RAB3B: variants seen among roughly 807,000 people sequenced by gnomAD.
RAB3B encodes RAB3B, member RAS oncogene family.
Under a neutral mutation model 20.5 loss-of-function variants are expected in RAB3B, and 11 were observed. The ratio of observed to expected loss-of-function variants is 0.54; its 90% confidence interval spans 0.34 to 0.89. The LOEUF (loss-of-function observed/expected upper bound fraction) is 0.89. Among genes scored for constraint, RAB3B ranks in the 40% least tolerant of loss-of-function variants. The pLI, the probability that RAB3B is intolerant of heterozygous loss-of-function variation, is 0.02. For synonymous variants in RAB3B, 99 were observed against 106.3 expected (o/e 0.93, Z 0.42); for missense variants, 225 against 280.9 (o/e 0.80, Z 1.42).
intron 3 of RAB3B, among the ~76,000 whole-genome samples, chr1:51,936,206 C>A (rs1302660579): frequency 6.6e-6 from 1 of 152,198 alleles, no homozygotes; most frequent in Non-Finnish European, 1.5e-5. Flanking sequence ...TTCCCCCATC[C>A]TCATCTGAGC....
Position 51,909,449 on chromosome 1 carries a change from G to A in RAB3B, c.*10478C>T, listed in dbSNP as rs888592261. The A allele has an allele frequency of 7.2e-5, 11 of 152,158 alleles. No homozygotes were observed. The highest frequency in any genetic ancestry group is 2.4e-4 in the African/African-American group (10 of 41,444). 9.4% of individuals were successfully genotyped at this position (152,158 alleles called of 1,614,324 possible). On this transcript the variant is annotated 3_prime_UTR_variant, in exon 5 of 5. Transcript: ENST00000371655. ...TGGTTCAAGATCACACAGTTAGTATGCTGCAAAGTCAGGACTCAAACCCAG... is the reference window on the plus strand; with the variant it reads ...TGGTTCAAGATCACACAGTTAGTATACTGCAAAGTCAGGACTCAAACCCAG...
chr1:51,956,536 C>T (rs1212060680), intron 2 of RAB3B, among the ~76,000 whole-genome samples: 1 of 152,154 alleles, frequency 6.6e-6, no homozygotes, highest in Non-Finnish European at 1.5e-5. Context: ...CTCTTGCCAC[C>T]CCTCTCCATT....
intron 3 of RAB3B, among the ~76,000 whole-genome samples, chr1:51,934,494 G>A (rs991774326): frequency 2.6e-5 from 4 of 152,032 alleles, no homozygotes; most frequent in South Asian, 2.1e-4. Context: ...CTTTTTGGCC[G>A]GGTGCGCTGG....
Position 51,967,515 on chromosome 1 carries a change from C to CTTTTTCTTTTTTTTTT in RAB3B, c.228+9359_228+9374dup, listed in dbSNP as rs1684870055. Among the ~76,000 whole-genome samples the CTTTTTCTTTTTTTTTT allele has an allele frequency of 1.2e-4, 2 of 16,436 alleles. 1 individual carries two copies. The highest frequency in any genetic ancestry group is 5.3e-4 in the Non-Finnish European group (2 of 3,782). 10.8% of individuals were successfully genotyped at this position (16,436 alleles called of 152,430 possible). On this transcript the variant is annotated intron_variant, in intron 2 of 4. Coordinates refer to ENST00000371655, the MANE Select transcript of RAB3B (RefSeq NM_002867.4). ...GGTATTTTCCTTTTTCTTTTCTTTTCTTTTTCTTTTTTTTTTTTTTTTTTG... is the reference window on the plus strand; with the variant it reads ...GGTATTTTCCTTTTTCTTTTCTTTTCTTTTTCTTTTTTTTTTTTTTTCTTTTTTTTTTTTTTTTTTG...
chr1:51,981,255 C>G (rs866873428), intron 1 of RAB3B, among the ~76,000 whole-genome samples: 3 of 152,112 alleles, frequency 2.0e-5, no homozygotes, highest in Admixed American at 6.6e-5. Context: ...GGTCTTAAAC[C>G]GGGATCAAGT....
intron 1 of RAB3B, among the ~76,000 whole-genome samples, chr1:51,977,612 C>A (rs946739159): frequency 3.3e-5 from 5 of 152,008 alleles, no homozygotes; most frequent in African/African-American, 4.8e-5. Context: ...AAAAAAAAAG[C>A]CAAGAACAGC....
At chr1:51,961,857 G>A (rs368283773) in intron 2 of RAB3B, among the ~76,000 whole-genome samples, 2 of 151,938 alleles carry the variant, frequency 1.3e-5, no homozygotes, top group African/African-American at 2.4e-5. Flanking sequence ...TGCAACCTCC[G>A]CCTCCTGAAC....
chr1:51,984,329 AC>A (rs1412872765), intron 1 of RAB3B, among the ~76,000 whole-genome samples: 1 of 148,054 alleles, frequency 6.8e-6, no homozygotes, highest in Admixed American at 6.8e-5. Context: ...CTCTAAAAAA[AC>A]ATCATTTCAG....
rs376211284 is a variant in RAB3B, at chr1:51,972,344, ATC to A, written c.228+4544_228+4545del. 1.7e-3 allele frequency among the ~76,000 whole-genome samples: 253 copies of A among 152,106 alleles called. 3 individuals carry two copies. In the South Asian group the frequency reaches 0.026, roughly 16 times the overall value. On this transcript the variant is annotated intron_variant, in intron 2 of 4. Coordinates refer to ENST00000371655, the MANE Select transcript of RAB3B (RefSeq NM_002867.4). ...CAAATTCTGTAAATTCTAGTTCCAA[ATC>A]TCTCTCTTCATTTCCATCCCTTATG...
At chr1:51,956,035 T>C (rs1684702383) in intron 2 of RAB3B, among the ~76,000 whole-genome samples, 2 of 152,166 alleles carry the variant, frequency 1.3e-5, no homozygotes, top group Admixed American at 1.3e-4. Context: ...GAAGAGCCTG[T>C]CAGAGGCAGC....
At chr1:51,944,011 T>C (rs901733366) in intron 2 of RAB3B, among the ~76,000 whole-genome samples, 1 of 152,222 alleles carries the variant, frequency 6.6e-6, no homozygotes, top group Admixed American at 6.5e-5. Flanking sequence ...ACTGGAAGAA[T>C]ATGCCATCTA....
At position 51,917,484 on chromosome 1, in the gene RAB3B, C is replaced by T. The variant is rs921014628; in HGVS notation, c.*2443G>A. The T allele has an allele frequency of 5.9e-5, 9 of 152,040 alleles. No individual in the cohort carries two copies. Among genetic ancestry groups the T allele is most frequent in the African/African-American group, 2.2e-4 (9 of 41,384 alleles). The allele number at this position is 152,040 out of a possible 1,614,324, so 9.4% of individuals were successfully genotyped here. On this transcript the variant is annotated 3_prime_UTR_variant, in exon 5 of 5. Coordinates refer to ENST00000371655, the MANE Select transcript of RAB3B (RefSeq NM_002867.4). ...GGGTCTCCTGATTCCAAGTCCAAAG[C>T]TCTGCTCTCTGCATTGCATCAAAGA... is the stretch of plus-strand genomic sequence containing the variant.
intron 2 of RAB3B, among the ~76,000 whole-genome samples, chr1:51,945,237 T>G (rs1054862578): frequency 6.6e-5 from 10 of 152,174 alleles, no homozygotes; most frequent in African/African-American, 2.4e-4. Context: ...AGTGGCGAGA[T>G]CATAGCTTAC....
chr1:51,937,454 CT>C, intron 2 of RAB3B, 42 bp from the exon 3 acceptor site: 1 of 1,413,794 alleles, frequency 7.1e-7, no homozygotes, highest in Non-Finnish European at 9.6e-7. Flanking sequence ...AGAAAGTCTG[CT>C]TTGGTTCCTA....
At position 51,917,062 on chromosome 1, in the gene RAB3B, C is replaced by T. The variant is rs994961370; in HGVS notation, c.*2865G>A. The T allele has an allele frequency of 6.6e-6, 1 of 152,186 alleles. No homozygotes were observed. The highest frequency in any genetic ancestry group is 1.9e-4 in the East Asian group (1 of 5,202). The allele number at this position is 152,186 out of a possible 1,614,324, so 9.4% of individuals were successfully genotyped here. On this transcript the variant is annotated 3_prime_UTR_variant, in exon 5 of 5. Coordinates refer to ENST00000371655, the MANE Select transcript of RAB3B (RefSeq NM_002867.4). ...CTGGATGTGAACTCCAGCTCTACCA[C>T]TTACTTATTATGTGACTTTAGAGGT... is the stretch of plus-strand genomic sequence containing the variant.
chr1:51,971,029 AAAAAG>A (rs1684924605), intron 2 of RAB3B, among the ~76,000 whole-genome samples: 1 of 151,186 alleles, frequency 6.6e-6, no homozygotes, highest in African/African-American at 2.4e-5. Flanking sequence ...AAAAAAAAAA[AAAAAG>A]AAAGAAAGCA....
chr1:51,940,085 T>C (rs1386493920), intron 2 of RAB3B, among the ~76,000 whole-genome samples: 1 of 152,236 alleles, frequency 6.6e-6, no homozygotes, highest in Non-Finnish European at 1.5e-5. Context: ...ATATATGTTG[T>C]TACTCTCATC....
At chr1:51,979,173 G>C (rs1685050224) in intron 1 of RAB3B, among the ~76,000 whole-genome samples, 3 of 152,148 alleles carry the variant, frequency 2.0e-5, no homozygotes, top group Non-Finnish European at 4.4e-5. Context: ...GGGTGCCATT[G>C]GCTGCTTAAA....
chr1:51,923,909 C>A (rs1452698893), intron 4 of RAB3B, among the ~76,000 whole-genome samples: 1 of 152,056 alleles, frequency 6.6e-6, no homozygotes. Flanking sequence ...CACCTAACTT[C>A]TTCTCATTCT....
Sources: allele counts gnomAD v4.1 joint callset (sites outside exome capture counted in the v4.1 genomes callset), GRCh38; gene constraint gnomAD v4.1.1; transcripts MANE v1.5; gene names NCBI Gene and HGNC (gene_info 2026-07-23, HGNC 2026-07-21).